Variants in MCC observed in about 807,000 individuals in gnomAD.
The protein encoded by MCC is MCC regulator of Wnt signaling pathway, also known as colorectal mutant cancer protein.
Under a neutral mutation model 116.2 loss-of-function variants are expected in MCC, and 90 were observed. The ratio of observed to expected loss-of-function variants is 0.77; its 90% CI spans 0.65 to 0.92. The LOEUF (loss-of-function observed/expected upper bound fraction) is 0.92, where lower values mean the gene tolerates loss of function less well. MCC is among the 40% of genes least tolerant of loss of function. The probability of loss-of-function intolerance (pLI) is 0.00; values close to 1 mark genes in which losing one functional copy is unlikely to be tolerated. For missense variants in MCC, 1,516 were observed against 1,312.2 expected (o/e 1.16, Z -2.40); for synonymous variants, 578 against 510.5 (o/e 1.13, Z -1.78).
At position 113,434,780 on chromosome 5, in the gene MCC, C is replaced by G; in HGVS notation, c.171-49568G>C. 1.2e-6 allele frequency: 2 copies of G among 1,613,888 alleles called. No individual in the cohort carries two copies. ...CAGATTTTACTTTTGCATAGGAGCC[C>G]TCTCCTAAATTTATCCCCAGGAGGT... On this transcript the variant is annotated intron_variant, in intron 1 of 18. Coordinates refer to ENST00000408903, the MANE Select transcript of MCC (RefSeq NM_001085377.2). This position sits in a 1 kb window ranked among gnomAD's most constrained non-coding sequence, Gnocchi z 4.2.
chr5:113,069,559 C>G (rs1753880853), intron 12 of MCC, among the ~76,000 whole-genome samples: 1 of 152,204 alleles, frequency 6.6e-6, no homozygotes, highest in Non-Finnish European at 1.5e-5. Flanking sequence ...CAGACAATTT[C>G]CTTTGATTGC....
intron 17 of MCC, among the ~76,000 whole-genome samples, chr5:113,036,220 T>C (rs1042372400): frequency 2.0e-5 from 3 of 152,002 alleles, no homozygotes; most frequent in African/African-American, 7.2e-5. Flanking sequence ...GTATTTTTAG[T>C]AGGGACAGGG....
chr5:113,043,702 C>T (rs372172244), intron 16 of MCC, 72 bp from the exon 17 acceptor site: 24 of 1,115,902 alleles, frequency 2.2e-5, no homozygotes, highest in African/African-American at 1.2e-4. Context: ...TGCAGCAGAG[C>T]GCGGTAGGTG....
intron 1 of MCC, among the ~76,000 whole-genome samples, chr5:113,479,964 T>A (rs1772333374): frequency 2.0e-5 from 3 of 152,196 alleles, no homozygotes; most frequent in South Asian, 4.1e-4. Context: ...TATGCTTATG[T>A]CATGAGAATC....
chr5:113,416,536 C>T (rs548558314), intron 1 of MCC, among the ~76,000 whole-genome samples: 5 of 152,168 alleles, frequency 3.3e-5, no homozygotes, highest in South Asian at 2.1e-4. Context: ...ATGCAAGGTA[C>T]AGAGTGTTTA....
intron 3 of MCC, among the ~76,000 whole-genome samples, chr5:113,212,939 T>C (rs1200736705): frequency 6.6e-6 from 1 of 152,250 alleles, no homozygotes; most frequent in East Asian, 1.9e-4. Context: ...CTGATGTTTC[T>C]TTACCTGTCA....
chr5:113,375,789 C>T (rs6887914), intron 2 of MCC, among the ~76,000 whole-genome samples: 20,929 of 151,774 alleles, frequency 0.14, 1,770 homozygotes, highest in Non-Finnish European at 0.2. Flanking sequence ...GAGGCCTTGG[C>T]TCCAGAACTT....
At chr5:113,487,474 CG>C (rs1369993996) in intron 1 of MCC, among the ~76,000 whole-genome samples, 1 of 152,198 alleles carries the variant, frequency 6.6e-6, no homozygotes, top group Admixed American at 6.5e-5. Context: ...TTGGCCAAGC[CG>C]GGAGGCAGGA....
chr5:113,158,002 G>C (rs1035857482), intron 3 of MCC, among the ~76,000 whole-genome samples: 6 of 152,204 alleles, frequency 3.9e-5, no homozygotes, highest in Admixed American at 6.5e-5. Flanking sequence ...CTGGCTAATG[G>C]GTGGGGAGCA....
intron 3 of MCC, among the ~76,000 whole-genome samples, chr5:113,289,401 C>T (rs1389188982): frequency 1.3e-5 from 2 of 151,636 alleles, no homozygotes. Flanking sequence ...CATTTTGTGG[C>T]TTCTGGAGTG....
At chr5:113,188,146 C>T (rs369970723) in intron 3 of MCC, among the ~76,000 whole-genome samples, 6 of 152,196 alleles carry the variant, frequency 3.9e-5, no homozygotes, top group South Asian at 2.1e-4. Context: ...ACTGAAACAA[C>T]GAATATAGCC....
chr5:113,138,357 G>A (rs948529273), intron 5 of MCC, among the ~76,000 whole-genome samples: 3 of 152,206 alleles, frequency 2.0e-5, no homozygotes, highest in Admixed American at 6.5e-5. Context: ...ATGTGATGGT[G>A]TTTGGAGACA....
At chr5:113,312,254 G>A (rs9285877) in intron 3 of MCC, among the ~76,000 whole-genome samples, 13,232 of 151,976 alleles carry the variant, frequency 0.087, 1,354 homozygotes, top group African/African-American at 0.25. Flanking sequence ...TCTAGTCTGG[G>A]CAACAAAGCA....
intron 8 of MCC, among the ~76,000 whole-genome samples, chr5:113,095,863 C>G (rs1755974817): frequency 6.6e-6 from 1 of 152,024 alleles, no homozygotes; most frequent in South Asian, 2.1e-4. Flanking sequence ...TCAATACTAT[C>G]AATATTATTA....
At chr5:113,479,386 G>A (rs1772313709) in intron 1 of MCC, among the ~76,000 whole-genome samples, 1 of 152,162 alleles carries the variant, frequency 6.6e-6, no homozygotes, top group African/African-American at 2.4e-5. Context: ...TGATTTTGGT[G>A]GTGGTTAAAG....
At chr5:113,076,279 C>A (rs904571486) in intron 11 of MCC, among the ~76,000 whole-genome samples, 11 of 152,108 alleles carry the variant, frequency 7.2e-5, no homozygotes, top group African/African-American at 2.7e-4. Context: ...GCAAGGCAGA[C>A]CAACATTCAC....
intron 2 of MCC, among the ~76,000 whole-genome samples, chr5:113,344,468 C>A (rs907616476): frequency 9.2e-5 from 14 of 151,952 alleles, no homozygotes; most frequent in Non-Finnish European, 1.6e-4. Flanking sequence ...TAAGAGAGGG[C>A]TTGCATTACC....
chr5:113,112,695 C>G (rs1043299614), intron 6 of MCC, among the ~76,000 whole-genome samples: 11 of 152,326 alleles, frequency 7.2e-5, no homozygotes, highest in African/African-American at 2.6e-4. Context: ...TGATTTCATT[C>G]ATTCAACAGT....
At chr5:113,242,808 C>CA (rs1764427130) in intron 3 of MCC, among the ~76,000 whole-genome samples, 1 of 151,978 alleles carries the variant, frequency 6.6e-6, no homozygotes, top group African/African-American at 2.4e-5. Flanking sequence ...CCAAAAGGAA[C>CA]AAAAAACTGT....
Sources: gnomAD v4.1 joint callset for allele counts (sites outside exome capture counted in the v4.1 genomes callset) on GRCh38, gnomAD v4.1.1 for gene constraint, Gnocchi (gnomAD v3.1) non-coding constraint, MANE v1.5 for transcripts, NCBI Gene and HGNC (gene_info 2026-07-23, HGNC 2026-07-21) for gene names.